RIC1: variants seen among roughly 807,000 people sequenced by gnomAD.
The protein encoded by RIC1 is RIC1 partner of RAB6A GEF complex.
In RIC1, 88 loss-of-function variants were observed where a neutral mutation model predicts 169.0. That is an observed-to-expected ratio of 0.52 (90% CI 0.44 to 0.62). RIC1 has a LOEUF of 0.62. Ranked by LOEUF, RIC1 falls within the 20% of genes least tolerant of loss-of-function variation. RIC1 has a pLI of 0.00. For missense variants in RIC1, 1,877 were observed against 1,725.5 expected, an observed-to-expected ratio of 1.09 and a Z score of -1.56; for synonymous variants, 790 against 601.5, an observed-to-expected ratio of 1.31 and a Z score of -4.59.
chr9:5,756,502 G>T, intron 16 of RIC1, 130 bp downstream of exon 16: 1 of 497,206 alleles, frequency 2.0e-6, no homozygotes, highest in Non-Finnish European at 3.3e-6. Flanking sequence ...GGTAAAAAAA[G>T]CAAGGAGTTT....
chr9:5,677,225 T>C (rs1320376651), intron 2 of RIC1, among the ~76,000 whole-genome samples: 2 of 152,210 alleles, frequency 1.3e-5, no homozygotes, highest in East Asian at 1.9e-4. Flanking sequence ...ATTCTGGTAG[T>C]GGTGTAGTGA....
At chr9:5,720,387 C>T in intron 5 of RIC1, 63 bp downstream of exon 5, 1 of 1,478,354 alleles carries the variant, frequency 6.8e-7, no homozygotes, top group Non-Finnish European at 9.3e-7. Context: ...AGTTAGGTAT[C>T]TTCTATGGAT....
At chr9:5,686,091 C>T (rs904123329) in intron 2 of RIC1, among the ~76,000 whole-genome samples, 3 of 151,446 alleles carry the variant, frequency 2.0e-5, no homozygotes, top group Non-Finnish European at 2.9e-5. Flanking sequence ...CATCTCACAC[C>T]AGTTAGAATG....
intron 6 of RIC1, among the ~76,000 whole-genome samples, chr9:5,723,100 T>C (rs1018983205): frequency 1.3e-5 from 2 of 152,382 alleles, no homozygotes; most frequent in East Asian, 1.9e-4. Flanking sequence ...TCAAATGATA[T>C]TTCTAGTTTT....
chr9:5,689,343 G>T (rs187800986), intron 2 of RIC1, among the ~76,000 whole-genome samples: 12 of 152,152 alleles, frequency 7.9e-5, no homozygotes, highest in Admixed American at 1.3e-4. Context: ...GAGCCACCGC[G>T]CCCGGCCTAC....
At chr9:5,652,433 A>G (rs1818855438) in intron 1 of RIC1, among the ~76,000 whole-genome samples, 1 of 151,784 alleles carries the variant, frequency 6.6e-6, no homozygotes, top group Non-Finnish European at 1.5e-5. Flanking sequence ...CTTCAATTAA[A>G]TTTTTTGTTC....
intron 4 of RIC1, among the ~76,000 whole-genome samples, chr9:5,716,351 T>C (rs1823240392): frequency 6.6e-6 from 1 of 152,128 alleles, no homozygotes. Flanking sequence ...CTCATGCCTA[T>C]AATCCCAGCA....
chr9:5,708,353 A>G (rs745692481), intron 3 of RIC1, among the ~76,000 whole-genome samples: 15 of 152,256 alleles, frequency 9.9e-5, no homozygotes, highest in Admixed American at 7.2e-4. Flanking sequence ...ATATTTACCT[A>G]TGTAATTACT....
chr9:5,756,408 C>A, intron 16 of RIC1, 36 bp downstream of exon 16: 1 of 1,309,908 alleles, frequency 7.6e-7, no homozygotes, highest in South Asian at 2.3e-5. Context: ...ACTTTTTGCT[C>A]CTATTTACCA....
chr9:5,744,359 T>C (rs1825259681), intron 10 of RIC1, among the ~76,000 whole-genome samples: 1 of 152,196 alleles, frequency 6.6e-6, no homozygotes, highest in East Asian at 1.9e-4. Flanking sequence ...TATATATGTA[T>C]ACAGTACCTT....
At chr9:5,648,650 C>T (rs1818650935) in intron 1 of RIC1, among the ~76,000 whole-genome samples, 1 of 152,138 alleles carries the variant, frequency 6.6e-6, no homozygotes, top group Admixed American at 6.5e-5. Flanking sequence ...CAGGAGTTCC[C>T]TTTTCTCTGC....
At chr9:5,749,674 T>G (rs1825603385) in intron 12 of RIC1, among the ~76,000 whole-genome samples, 1 of 151,908 alleles carries the variant, frequency 6.6e-6, no homozygotes, top group African/African-American at 2.4e-5. Context: ...GATTGGAAGA[T>G]TCTATGTTAC....
intron 16 of RIC1, among the ~76,000 whole-genome samples, chr9:5,756,955 T>C (rs748057476): frequency 6.6e-6 from 1 of 152,380 alleles, no homozygotes; most frequent in South Asian, 2.1e-4. Context: ...AGCACAGTGA[T>C]TGAGAAGTAA....
At chr9:5,650,250 A>G (rs903524422) in intron 1 of RIC1, among the ~76,000 whole-genome samples, 1 of 152,078 alleles carries the variant, frequency 6.6e-6, no homozygotes, top group Non-Finnish European at 1.5e-5. Flanking sequence ...GGTATGGGCT[A>G]TGGCAGTAGT....
At chr9:5,650,757 T>C (rs1818759696) in intron 1 of RIC1, among the ~76,000 whole-genome samples, 1 of 152,106 alleles carries the variant, frequency 6.6e-6, no homozygotes, top group Non-Finnish European at 1.5e-5. Context: ...CTTTTTGTCC[T>C]TGTGATAGCC....
chr9:5,629,255 G>C lies in RIC1; in HGVS notation c.-55G>C, dbSNP rs1817597574. The C allele has an allele frequency of 1.4e-6, 2 of 1,398,604 alleles. No homozygotes were observed. Among genetic ancestry groups the C allele is most frequent in the Non-Finnish European group, 9.3e-7 (1 of 1,073,868 alleles). The allele number at this position is 1,398,604 out of a possible 1,614,324, so 86.6% of individuals were successfully genotyped here. A position where few individuals can be genotyped will look rare whatever the true frequency, so the allele number is the denominator to read the frequency against. ...GGTGTGGGAGGTGGGCGACCAGCCC[G>C]GGGCCGCTGAGTGTGACGGACGCAA... On this transcript the variant is annotated 5_prime_UTR_variant, in exon 1 of 26. Coordinates refer to ENST00000414202, the MANE Select transcript of RIC1 (RefSeq NM_020829.4).
At chr9:5,631,175 A>C (rs1248137203) in intron 1 of RIC1, among the ~76,000 whole-genome samples, 1 of 152,232 alleles carries the variant, frequency 6.6e-6, no homozygotes, top group Non-Finnish European at 1.5e-5. Context: ...TTGGTTTTGG[A>C]GTTACATACG....
At chr9:5,753,351 T>C (rs531430633) in intron 13 of RIC1, 113 bp downstream of exon 13, 2 of 977,112 alleles carry the variant, frequency 2.0e-6, no homozygotes, top group South Asian at 1.3e-5. Flanking sequence ...TCTTGATCTA[T>C]TGTAACATTG....
intron 23 of RIC1, 38 bp from the exon 24 acceptor site, chr9:5,772,526 C>T (rs746031028): frequency 8.7e-6 from 13 of 1,486,802 alleles, no homozygotes; most frequent in African/African-American, 2.8e-5. Flanking sequence ...ATATTTTCTC[C>T]ACGAAGTTGG....
Sources: gnomAD v4.1 joint callset for allele counts (sites outside exome capture counted in the v4.1 genomes callset) on GRCh38, gnomAD v4.1.1 for gene constraint, MANE v1.5 for transcripts, NCBI Gene and HGNC (gene_info 2026-07-23, HGNC 2026-07-21) for gene names.